Variants in GPHN observed in about 807,000 individuals in gnomAD.
The protein encoded by GPHN is gephyrin.
In GPHN, 17 loss-of-function variants were observed where a neutral mutation model predicts 95.5. That is an observed-to-expected ratio of 0.18 (90% CI 0.12 to 0.27). GPHN has a LOEUF of 0.27. Among genes scored for constraint, GPHN ranks in the 10% least tolerant of loss-of-function variants. The pLI is 1.00. For synonymous variants in GPHN, 320 were observed against 322.5 expected (o/e 0.99, Z 0.08); for missense variants, 660 against 978.1 (o/e 0.67, Z 4.34).
At chr14:67,159,688 G>C (rs552607551) in intron 19 of GPHN, among the ~76,000 whole-genome samples, 200 bp downstream of exon 19, 2 of 152,130 alleles carry the variant, frequency 1.3e-5, no homozygotes, top group South Asian at 4.2e-4. Flanking sequence ...CAATGAGTTT[G>C]GTATAAACAA....
At chr14:66,648,247 T>G (rs2064857595) in intron 1 of GPHN, among the ~76,000 whole-genome samples, 1 of 152,152 alleles carries the variant, frequency 6.6e-6, no homozygotes, top group Admixed American at 6.5e-5. Context: ...TTACAATATT[T>G]GCTCTTGAAA....
At chr14:67,248,165 ACT>A in the GPHN span, among the ~76,000 whole-genome samples, 9 of 152,078 alleles carry the variant, frequency 5.9e-5, no homozygotes, top group Non-Finnish European at 8.8e-5. Context: ...TCTGGGACTA[ACT>A]CTGGGGTTAT....
intron 8 of GPHN, among the ~76,000 whole-genome samples, chr14:66,961,922 A>ATATATATATATGTG (rs2068951608): frequency 2.9e-5 from 2 of 69,806 alleles, no homozygotes; most frequent in African/African-American, 2.2e-4. Flanking sequence ...ATATATATAT[A>ATATATATATATGTG]TATATATATA....
intron 1 of GPHN, among the ~76,000 whole-genome samples, chr14:66,536,555 G>A (rs2059153904): frequency 8.8e-6 from 1 of 113,808 alleles, no homozygotes; most frequent in Non-Finnish European, 1.6e-5. Context: ...TGTTATCAAT[G>A]TTTGTTAGCC....
At chr14:67,555,146 G>C in the GPHN span, among the ~76,000 whole-genome samples, 1 of 152,158 alleles carries the variant, frequency 6.6e-6, no homozygotes, top group African/African-American at 2.4e-5. Context: ...TTGAACTCCA[G>C]GGCTCAAGTG....
intron 3 of GPHN, among the ~76,000 whole-genome samples, chr14:66,780,699 T>C (rs935738506): frequency 2.0e-5 from 3 of 152,134 alleles, no homozygotes; most frequent in African/African-American, 7.2e-5. Context: ...ATTAAAAAAA[T>C]GAGGAATTCA....
At chr14:66,777,686 T>C (rs2059434874) in intron 3 of GPHN, among the ~76,000 whole-genome samples, 1 of 152,198 alleles carries the variant, frequency 6.6e-6, no homozygotes, top group African/African-American at 2.4e-5. Flanking sequence ...AATCAATAAA[T>C]GTAATCCAGC....
intron 1 of GPHN, among the ~76,000 whole-genome samples, chr14:66,552,397 C>T (rs939659556): frequency 3.3e-5 from 5 of 152,156 alleles, no homozygotes; most frequent in Admixed American, 1.3e-4. Context: ...CTTTTATATA[C>T]GTTATAAGCC....
Position 67,042,346 on chromosome 14 carries a change from A to G in GPHN, c.1007-16303A>G, listed in dbSNP as rs1037266160. 4.0e-5 allele frequency among the ~76,000 whole-genome samples: 6 copies of G among 151,828 alleles called. No homozygotes were observed. The East Asian group carries it at 1.2e-3, about 29-fold the overall frequency. On this transcript the variant is annotated intron_variant, in intron 10 of 22. Coordinates refer to ENST00000478722, the MANE Select transcript of GPHN (RefSeq NM_020806.5). ...GGTATTGCCCAGGTTTTCTTCTAGG[A>G]TTTTTATGGTCCTAGGTCTTATGTT... is the stretch of plus-strand genomic sequence containing the variant.
chr14:67,395,477 G>T, the GPHN span: 18 of 1,613,946 alleles, frequency 1.1e-5, no homozygotes, highest in Non-Finnish European at 1.5e-5. Flanking sequence ...CGGCTGCCCT[G>T]CATGAATAGC....
chr14:67,352,844 C>T, the GPHN span: 1 of 797,700 alleles, frequency 1.3e-6, no homozygotes. Flanking sequence ...ATTAAAATAA[C>T]AACAACAAAA....
the GPHN span, among the ~76,000 whole-genome samples, chr14:67,450,254 T>C: frequency 6.6e-6 from 1 of 152,184 alleles, no homozygotes; most frequent in African/African-American, 2.4e-5. Flanking sequence ...GTCTCAGGTA[T>C]GTCTTTATCA....
chr14:67,589,478 A>G, the GPHN span: 3 of 985,226 alleles, frequency 3.0e-6, no homozygotes, highest in Non-Finnish European at 3.6e-6. Flanking sequence ...GCTTGACACC[A>G]TGACTGAAAT....
At chr14:66,870,723 T>G (rs1353354514) in intron 4 of GPHN, among the ~76,000 whole-genome samples, 1 of 152,188 alleles carries the variant, frequency 6.6e-6, no homozygotes, top group Non-Finnish European at 1.5e-5. Flanking sequence ...ACAAATTTGT[T>G]CTCAAGGATA....
the GPHN span, among the ~76,000 whole-genome samples, chr14:67,528,752 GTGTTGTAA>G: frequency 2.0e-5 from 3 of 152,058 alleles, no homozygotes; most frequent in Non-Finnish European, 4.4e-5. Context: ...GCATTGATAT[GTGTTGTAA>G]TTACATCAGT....
At chr14:67,555,956 CGGACACAGGT>C in the GPHN span, 1 of 1,576,674 alleles carries the variant, frequency 6.3e-7, no homozygotes, top group Non-Finnish European at 8.6e-7. Context: ...GCCCTTCCCA[CGGACACAGGT>C]GGACACATAC....
At chr14:67,599,399 G>A in the GPHN span, among the ~76,000 whole-genome samples, 1 of 152,174 alleles carries the variant, frequency 6.6e-6, no homozygotes, top group African/African-American at 2.4e-5. Flanking sequence ...AAACAGGAAT[G>A]AATCTGGAAA....
intron 2 of GPHN, among the ~76,000 whole-genome samples, chr14:66,731,709 G>A (rs1322661750): frequency 1.3e-5 from 2 of 152,170 alleles, no homozygotes; most frequent in Non-Finnish European, 2.9e-5. Flanking sequence ...AATGAGGAGT[G>A]GAATGTGAAT....
At chr14:66,632,012 G>A (rs868719601) in intron 1 of GPHN, among the ~76,000 whole-genome samples, 3 of 151,628 alleles carry the variant, frequency 2.0e-5, no homozygotes, top group Non-Finnish European at 2.9e-5. Context: ...TTTCCTATTC[G>A]TATCATTGGT....
Sources: allele counts gnomAD v4.1 joint callset (sites outside exome capture counted in the v4.1 genomes callset), GRCh38; gene constraint gnomAD v4.1.1; transcripts MANE v1.5; gene names NCBI Gene and HGNC (gene_info 2026-07-23, HGNC 2026-07-21).